ATE1: variants seen among roughly 807,000 people sequenced by gnomAD.
ATE1 encodes arginyltransferase 1.
Under a neutral mutation model 70.5 loss-of-function variants are expected in ATE1, and 36 were observed. The observed-to-expected ratio is 0.51, with a 90% CI of 0.39 to 0.67. The LOEUF is 0.67. Among genes scored for constraint, ATE1 ranks in the 30% least tolerant of loss-of-function variants. The pLI, the probability that ATE1 is intolerant of heterozygous loss-of-function variation, is 0.00. For missense variants in ATE1, 593 were observed against 629.5 expected, an observed-to-expected ratio of 0.94 and a Z score of 0.62; for synonymous variants, 232 against 219.3, an observed-to-expected ratio of 1.06 and a Z score of -0.51.
At chr10:121,777,838 ATAAT>A (rs1389520765) in intron 11 of ATE1, among the ~76,000 whole-genome samples, 1 of 152,238 alleles carries the variant, frequency 6.6e-6, no homozygotes, top group African/African-American at 2.4e-5. Context: ...ACTTTGTCAG[ATAAT>A]TAAGAGGGAA....
At chr10:121,898,887 T>C (rs1950873236) in intron 7 of ATE1, 5 of 1,613,966 alleles carry the variant, frequency 3.1e-6, no homozygotes, top group Non-Finnish European at 2.5e-6. Context: ...TATGGCCACT[T>C]GATACTTGAC....
intron 11 of ATE1, among the ~76,000 whole-genome samples, chr10:121,766,636 C>CTGGTACAG (rs1945289654): frequency 6.6e-6 from 1 of 152,020 alleles, no homozygotes; most frequent in African/African-American, 2.4e-5. Context: ...TTGGCTCCCT[C>CTGGTACAG]TAGCCAAAGT....
intron 8 of ATE1, among the ~76,000 whole-genome samples, chr10:121,848,307 CATTCAT>C (rs1247062846): frequency 2.0e-5 from 3 of 151,586 alleles, no homozygotes; most frequent in African/African-American, 7.3e-5. Context: ...TTCATTCATT[CATTCAT>C]TCATTAAAAA....
chr10:121,764,815 C>T (rs960855578), intron 11 of ATE1, among the ~76,000 whole-genome samples: 2 of 152,176 alleles, frequency 1.3e-5, no homozygotes, highest in African/African-American at 4.8e-5. Context: ...AGAACTGTGA[C>T]TTTCCACATC....
At chr10:121,886,703 G>T (rs1344915233) in intron 7 of ATE1, among the ~76,000 whole-genome samples, 1 of 152,162 alleles carries the variant, frequency 6.6e-6, no homozygotes, top group East Asian at 1.9e-4. Context: ...GATGTTTTGT[G>T]ACCAGAAATA....
intron 7 of ATE1, among the ~76,000 whole-genome samples, chr10:121,876,200 T>C (rs2134072303): frequency 6.6e-6 from 1 of 152,304 alleles, no homozygotes; most frequent in Middle Eastern, 3.4e-3. Flanking sequence ...TATAATAAAA[T>C]GCCTCTTGAA....
At position 121,828,066 on chromosome 10, in the gene ATE1, C is replaced by T. The variant is rs1128471; in HGVS notation, c.1257+8652G>A. On this transcript the variant is annotated intron_variant, in intron 10 of 11. Transcript: ENST00000224652. ...AATTTGTCAGCATGTTAAGATACCT[C>T]GTAAGCTCATGTCAGGATATTAAAT... Among the ~76,000 whole-genome samples the T allele has an allele frequency of 1.4e-4, 22 of 152,280 alleles. No individual in the cohort carries two copies. The East Asian group carries it at 3.9e-3, about 27-fold the overall frequency.
At chr10:121,904,820 T>G (rs1200757849) in intron 5 of ATE1, among the ~76,000 whole-genome samples, 1 of 152,070 alleles carries the variant, frequency 6.6e-6, no homozygotes, top group Non-Finnish European at 1.5e-5. Context: ...AAAACCAATC[T>G]GATGAGAAAA....
chr10:121,796,673 T>C (rs1014416243), intron 10 of ATE1, among the ~76,000 whole-genome samples: 1 of 152,218 alleles, frequency 6.6e-6, no homozygotes, highest in Admixed American at 6.5e-5. Context: ...AATATTTCAA[T>C]TAATTTTACT....
Position 121,794,642 on chromosome 10 carries a change from G to GAATACC in ATE1, c.1258-4359_1258-4354dup, listed in dbSNP as rs1184934532. Among the ~76,000 whole-genome samples, 3 of 41,004 alleles carry GAATACC rather than the reference G, an allele frequency of 7.3e-5. No individual in the cohort carries two copies. The East Asian group carries it at 2.1e-3, about 29-fold the overall frequency. 26.9% of individuals were successfully genotyped at this position (41,004 alleles called of 152,430 possible). A position where few individuals can be genotyped will look rare whatever the true frequency, so the allele number is the denominator to read the frequency against. On this transcript the variant is annotated intron_variant, in intron 10 of 11. Transcript: ENST00000224652. The stretch of plus-strand genomic sequence containing the variant: ...AAAAAAAAAAAAAAAAAGGAGAAGA[G>GAATACC]AATACCAAGAATGTCTGGTAAAAAA...
At chr10:121,927,446 C>A in intron 1 of ATE1, 3 of 985,268 alleles carry the variant, frequency 3.0e-6, no homozygotes, top group Non-Finnish European at 3.6e-6. Context: ...ACACCCACAG[C>A]TCCCTCTGCA....
chr10:121,869,195 A>C (rs1949766789), intron 8 of ATE1, among the ~76,000 whole-genome samples: 1 of 152,184 alleles, frequency 6.6e-6, no homozygotes, highest in African/African-American at 2.4e-5. Context: ...ATTTGCATCT[A>C]AAAGATAACA....
chr10:121,758,174 TTCA>T (rs1162010091), intron 11 of ATE1, among the ~76,000 whole-genome samples: 1 of 152,210 alleles, frequency 6.6e-6, no homozygotes, highest in African/African-American at 2.4e-5. Context: ...ATTGAATCAG[TTCA>T]TCTTAGGATC....
intron 8 of ATE1, among the ~76,000 whole-genome samples, chr10:121,862,487 G>T (rs1301989836): frequency 6.6e-6 from 1 of 150,448 alleles, no homozygotes; most frequent in Non-Finnish European, 1.5e-5. Context: ...CTCCAGAATT[G>T]CTGGGACTAC....
chr10:121,837,821 G>A (rs1948483001), intron 9 of ATE1, among the ~76,000 whole-genome samples: 1 of 152,004 alleles, frequency 6.6e-6, no homozygotes, highest in African/African-American at 2.4e-5. Context: ...TTCAAACTGA[G>A]GAAAGAATGC....
intron 11 of ATE1, among the ~76,000 whole-genome samples, chr10:121,789,898 A>T (rs1255860540): frequency 6.6e-6 from 1 of 151,976 alleles, no homozygotes; most frequent in Non-Finnish European, 1.5e-5. Context: ...TATTGATATC[A>T]GCCCCTCAAA....
intron 11 of ATE1, among the ~76,000 whole-genome samples, chr10:121,770,635 T>C (rs753627025): frequency 2.6e-5 from 4 of 152,004 alleles, no homozygotes; most frequent in Admixed American, 6.6e-5. Flanking sequence ...AGCCAAACTT[T>C]AATAAGTCTG....
chr10:121,927,027 T>C lies in ATE1; in HGVS notation c.106+817A>G, dbSNP rs7908038. The C allele has an allele frequency of 0.017, 16,606 of 985,392 alleles. 2,025 individuals are homozygous for C. The African/African-American group carries it at 0.26, about 15-fold the overall frequency. The allele number at this position is 985,392 out of a possible 1,614,324, so 61.0% of individuals were successfully genotyped here. The stretch of plus-strand genomic sequence containing the variant: ...CATGGAAAATGCCTGTGTGTTTTCA[T>C]GCGAATCTCGTTTTCCACAAAGCTA... On this transcript the variant is annotated intron_variant, in intron 1 of 11. Coordinates refer to ENST00000224652, the MANE Select transcript of ATE1 (RefSeq NM_001001976.3).
At chr10:121,826,898 G>A (rs1164536646) in intron 10 of ATE1, among the ~76,000 whole-genome samples, 1 of 152,162 alleles carries the variant, frequency 6.6e-6, no homozygotes, top group Non-Finnish European at 1.5e-5. Context: ...GCTCACTTAG[G>A]AGAATGGCCT....
Sources: allele counts gnomAD v4.1 joint callset (sites outside exome capture counted in the v4.1 genomes callset), GRCh38; gene constraint gnomAD v4.1.1; transcripts MANE v1.5; gene names NCBI Gene and HGNC (gene_info 2026-07-23, HGNC 2026-07-21).